Variants in ANO3 observed in about 807,000 individuals in gnomAD.
ANO3 encodes anoctamin 3, also known as anoctamin-3.
In ANO3, 99 loss-of-function variants were observed where a neutral mutation model predicts 144.8. That is an observed-to-expected ratio of 0.68 (90% CI 0.58 to 0.81). The LOEUF (loss-of-function observed/expected upper bound fraction) is 0.81. ANO3 is among the 30% of genes least tolerant of loss of function. ANO3 has a pLI of 0.00. For synonymous variants in ANO3, 414 were observed against 392.6 expected, an observed-to-expected ratio of 1.05 and a Z score of -0.64; for missense variants, 905 against 1,202.2, an observed-to-expected ratio of 0.75 and a Z score of 3.66.
chr11:26,237,623 TAAC>T, intron 1 of ANO3, among the ~76,000 whole-genome samples: 1 of 152,040 alleles, frequency 6.6e-6, no homozygotes, highest in Non-Finnish European at 1.5e-5. Context: ...CATAGAAAAA[TAAC>T]AAAATGATGT....
intron 14 of ANO3, 111 bp from the exon 15 acceptor site, chr11:26,598,254 T>A (rs1353556563): frequency 2.2e-6 from 1 of 463,314 alleles, no homozygotes; most frequent in East Asian, 4.1e-5. Context: ...AAAATTTTAA[T>A]TTATTATTTT....
chr11:26,644,104 T>G (rs575162596), intron 23 of ANO3, among the ~76,000 whole-genome samples: 38 of 152,340 alleles, frequency 2.5e-4, no homozygotes, highest in African/African-American at 8.9e-4. Flanking sequence ...CTGGTCCTAC[T>G]TAGCACCATG....
chr11:26,285,155 TAATA>T (rs1474969483), intron 1 of ANO3, among the ~76,000 whole-genome samples: 1 of 152,190 alleles, frequency 6.6e-6, no homozygotes, highest in Admixed American at 6.5e-5. Flanking sequence ...AACTTAATCT[TAATA>T]AAGTTCACTT....
chr11:26,311,134 A>G (rs1048696048), intron 1 of ANO3, among the ~76,000 whole-genome samples: 1 of 152,212 alleles, frequency 6.6e-6, no homozygotes, highest in Admixed American at 6.5e-5. Flanking sequence ...AGATTCTGGG[A>G]TAACATTAAG....
chr11:26,310,325 G>C lies in ANO3; in HGVS notation c.-3+606G>C, dbSNP rs1246218107. Among the ~76,000 whole-genome samples, 3 of 152,262 alleles carry C rather than the reference G, an allele frequency of 2.0e-5. No homozygotes were observed. The East Asian group carries it at 5.8e-4, about 29-fold the overall frequency. ...GAGCAATTCTATTGGTTAACCAATTGATTGGTTATTGGTTAACTGAGTTAA... is the reference window on the plus strand; with the variant it reads ...GAGCAATTCTATTGGTTAACCAATTCATTGGTTATTGGTTAACTGAGTTAA... On this transcript the variant is annotated intron_variant, in intron 1 of 26. Transcript: ENST00000525139.
At chr11:26,539,789 A>G (rs1236513586) in intron 10 of ANO3, among the ~76,000 whole-genome samples, 3 of 152,198 alleles carry the variant, frequency 2.0e-5, no homozygotes, top group South Asian at 4.1e-4. Flanking sequence ...CATACTTTCC[A>G]TGTGCCAGGC....
intron 6 of ANO3, among the ~76,000 whole-genome samples, chr11:26,520,925 G>A (rs975967895): frequency 6.6e-6 from 1 of 152,084 alleles, no homozygotes; most frequent in Admixed American, 6.5e-5. Flanking sequence ...GTTATAAATT[G>A]TATAGCCTTT....
At chr11:26,259,490 A>ATTC (rs528037642) in intron 1 of ANO3, among the ~76,000 whole-genome samples, 1,645 of 150,512 alleles carry the variant, frequency 0.011, 35 homozygotes, top group African/African-American at 0.038. Context: ...TCTACTAAAA[A>ATTC]TACAAAAATT....
chr11:26,356,769 G>A (rs1329012847), intron 1 of ANO3, among the ~76,000 whole-genome samples: 1 of 152,132 alleles, frequency 6.6e-6, no homozygotes, highest in Non-Finnish European at 1.5e-5. Context: ...AGGCTCTAAG[G>A]GGAGAATCCA....
At chr11:26,544,894 C>T (rs398615) in intron 11 of ANO3, among the ~76,000 whole-genome samples, 99,906 of 151,552 alleles carry the variant, frequency 0.66, 33,197 homozygotes, top group East Asian at 0.83. Context: ...TATATTTTTA[C>T]CTTTAAGTGG....
At chr11:26,504,688 G>A (rs143293194) in intron 4 of ANO3, among the ~76,000 whole-genome samples, 29 of 152,268 alleles carry the variant, frequency 1.9e-4, no homozygotes, top group African/African-American at 6.5e-4. Context: ...GAATCATTGG[G>A]ATAACTCGGC....
intron 7 of ANO3, among the ~76,000 whole-genome samples, chr11:26,527,559 T>A (rs1021634509): frequency 6.6e-6 from 1 of 152,120 alleles, no homozygotes; most frequent in Non-Finnish European, 1.5e-5. Context: ...GTTTGAAAAG[T>A]GGAAAATTGA....
chr11:26,555,277 CAT>C (rs1481141800), intron 13 of ANO3, among the ~76,000 whole-genome samples: 1 of 152,158 alleles, frequency 6.6e-6, no homozygotes, highest in Admixed American at 6.6e-5. Context: ...GATGTATACA[CAT>C]ATGTCTCTCT....
intron 1 of ANO3, among the ~76,000 whole-genome samples, chr11:26,419,216 T>C (rs1363951796): frequency 6.6e-6 from 1 of 152,060 alleles, no homozygotes; most frequent in Non-Finnish European, 1.5e-5. Flanking sequence ...TTATGAGAAC[T>C]CTATCATGAG....
chr11:26,234,286 A>AGAATTT (rs2133805038), intron 1 of ANO3, among the ~76,000 whole-genome samples: 1 of 152,246 alleles, frequency 6.6e-6, no homozygotes, highest in South Asian at 2.1e-4. Context: ...ATATTCTTAA[A>AGAATTT]CTATTACAAA....
chr11:26,389,283 C>CT (rs1437853737), intron 1 of ANO3, among the ~76,000 whole-genome samples: 1 of 152,078 alleles, frequency 6.6e-6, no homozygotes, highest in Admixed American at 6.6e-5. Context: ...GCCAGCTCCA[C>CT]TACTGTCTCT....
chr11:26,215,151 A>C (rs1274201727), intron 1 of ANO3, among the ~76,000 whole-genome samples: 2 of 151,868 alleles, frequency 1.3e-5, no homozygotes, highest in Non-Finnish European at 2.9e-5. Flanking sequence ...TCCCCTTACC[A>C]TACTGTACTC....
chr11:26,404,235 T>G (rs1857220208), intron 1 of ANO3, among the ~76,000 whole-genome samples: 1 of 151,822 alleles, frequency 6.6e-6, no homozygotes, highest in Non-Finnish European at 1.5e-5. Flanking sequence ...AACATGAAAC[T>G]ACATTAAGTA....
At chr11:26,257,742 T>G (rs1853092726) in intron 1 of ANO3, among the ~76,000 whole-genome samples, 1 of 151,548 alleles carries the variant, frequency 6.6e-6, no homozygotes, top group South Asian at 2.1e-4. Context: ...TAGAAAGACA[T>G]AAATACACAT....
Sources: gnomAD v4.1 joint callset for allele counts (sites outside exome capture counted in the v4.1 genomes callset) on GRCh38, gnomAD v4.1.1 for gene constraint, MANE v1.5 for transcripts, NCBI Gene and HGNC (gene_info 2026-07-23, HGNC 2026-07-21) for gene names.